Variants in UBE2E3 observed in about 807,000 individuals in gnomAD.
The protein encoded by UBE2E3 is ubiquitin conjugating enzyme E2 E3, also known as ubiquitin-conjugating enzyme E2 E3.
UBE2E3 carries 5 observed loss-of-function variants against 23.6 expected under a neutral mutation model. The ratio of observed to expected loss-of-function variants is 0.21; its 90% CI spans 0.11 to 0.44. The LOEUF (loss-of-function observed/expected upper bound fraction) is 0.44. Ranked by LOEUF, UBE2E3 falls within the 20% of genes least tolerant of loss-of-function variation. UBE2E3 has a pLI of 0.99. For synonymous variants in UBE2E3, 78 were observed against 87.5 expected, an observed-to-expected ratio of 0.89 and a Z score of 0.60; for missense variants, 81 against 249.8, an observed-to-expected ratio of 0.32 and a Z score of 4.55.
chr2:181,008,624 A>C (rs1232256790), intron 3 of UBE2E3, among the ~76,000 whole-genome samples: 1 of 152,216 alleles, frequency 6.6e-6, no homozygotes, highest in Non-Finnish European at 1.5e-5. Flanking sequence ...AGGTTCTAGC[A>C]GAGAGAGGAA....
At chr2:181,033,982 A>G (rs1402874261) in intron 3 of UBE2E3, among the ~76,000 whole-genome samples, 6 of 152,182 alleles carry the variant, frequency 3.9e-5, no homozygotes, top group East Asian at 1.9e-4. Flanking sequence ...ATGAGATACC[A>G]TCTCACACCA....
chr2:181,000,921 G>C (rs1027430480), intron 3 of UBE2E3, among the ~76,000 whole-genome samples: 1 of 152,146 alleles, frequency 6.6e-6, no homozygotes, highest in South Asian at 2.1e-4. Context: ...AAAATTTTAA[G>C]CACATTAGCA....
intron 3 of UBE2E3, among the ~76,000 whole-genome samples, chr2:180,994,569 A>G (rs1344698182): frequency 1.3e-5 from 2 of 152,200 alleles, no homozygotes; most frequent in African/African-American, 2.4e-5. Flanking sequence ...TAGGTTTACA[A>G]ATGGGTGTTG....
intron 3 of UBE2E3, among the ~76,000 whole-genome samples, chr2:181,009,518 TA>T (rs1685252714): frequency 1.1e-5 from 1 of 90,358 alleles, no homozygotes; most frequent in Admixed American, 1.0e-4. Context: ...AATATATATT[TA>T]TACTAGGCTT....
At chr2:181,051,461 C>T (rs572785334) in intron 3 of UBE2E3, among the ~76,000 whole-genome samples, 7 of 151,832 alleles carry the variant, frequency 4.6e-5, no homozygotes, top group Middle Eastern at 3.4e-3. Context: ...GACCTACAAA[C>T]GTTTGTAATG....
intron 3 of UBE2E3, among the ~76,000 whole-genome samples, chr2:181,033,396 C>CT (rs1559128996): frequency 4.6e-5 from 7 of 152,166 alleles, no homozygotes. Context: ...ACTATCTGAT[C>CT]TTTGACAAAC....
intron 3 of UBE2E3, among the ~76,000 whole-genome samples, chr2:181,053,373 A>G (rs947690385): frequency 1.3e-5 from 2 of 151,842 alleles, no homozygotes; most frequent in South Asian, 2.1e-4. Flanking sequence ...CTATGGTCCA[A>G]ATGTGTTTCA....
intron 3 of UBE2E3, among the ~76,000 whole-genome samples, chr2:181,015,070 C>T (rs1302947993): frequency 6.6e-6 from 1 of 152,032 alleles, no homozygotes; most frequent in Non-Finnish European, 1.5e-5. Context: ...AAACGAAGTA[C>T]AGAGTTGTTT....
At chr2:181,048,264 T>A (rs6731268) in intron 3 of UBE2E3, among the ~76,000 whole-genome samples, 118,427 of 152,146 alleles carry the variant, frequency 0.78, 46,377 homozygotes, top group East Asian at 0.91. Context: ...ATCCTCAGCT[T>A]GGCTGAAATC....
chr2:181,007,930 T>C (rs113684262), intron 3 of UBE2E3, among the ~76,000 whole-genome samples: 7,144 of 152,314 alleles, frequency 0.047, 236 homozygotes, highest in Middle Eastern at 0.082. Flanking sequence ...TGAACCCTTA[T>C]CAAGGAAGGT....
At chr2:181,011,784 C>G (rs899701857) in intron 3 of UBE2E3, among the ~76,000 whole-genome samples, 2 of 152,052 alleles carry the variant, frequency 1.3e-5, no homozygotes. Flanking sequence ...TTTATTTTGG[C>G]TTTTAAAATG....
chr2:181,025,999 T>A (rs895263853), intron 3 of UBE2E3, among the ~76,000 whole-genome samples: 30 of 152,064 alleles, frequency 2.0e-4, no homozygotes, highest in African/African-American at 7.2e-4. Flanking sequence ...AAACATACGT[T>A]AAATGTTGAG....
intron 3 of UBE2E3, among the ~76,000 whole-genome samples, chr2:180,988,454 G>T (rs527467863): frequency 1.3e-5 from 2 of 152,272 alleles, no homozygotes; most frequent in East Asian, 1.9e-4. Flanking sequence ...TAAGATTAAT[G>T]ATATTTAATT....
rs1446007701 is a variant in UBE2E3, at chr2:181,034,565, A to G, written c.246-23128A>G. On this transcript the variant is annotated intron_variant, in intron 3 of 5. Transcript: ENST00000410062. ...GCGGGGAGAGATAGCATTAGGAGAT[A>G]CACCTAATGTAAATGACAAGTTAAT... Among the ~76,000 whole-genome samples the G allele has an allele frequency of 2.6e-5, 4 of 152,218 alleles. No homozygotes were observed. The South Asian group carries it at 6.2e-4, about 24-fold the overall frequency.
chr2:180,999,549 A>G (rs1016392804), intron 3 of UBE2E3, among the ~76,000 whole-genome samples: 3 of 152,198 alleles, frequency 2.0e-5, no homozygotes, highest in African/African-American at 4.8e-5. Context: ...TTACTTTCCC[A>G]GCGGCGTATG....
At chr2:181,012,696 A>G (rs1051760905) in intron 3 of UBE2E3, among the ~76,000 whole-genome samples, 1 of 152,138 alleles carries the variant, frequency 6.6e-6, no homozygotes, top group Non-Finnish European at 1.5e-5. Flanking sequence ...ACATATACCC[A>G]TATCCCTAGT....
intron 3 of UBE2E3, among the ~76,000 whole-genome samples, chr2:181,004,299 T>C (rs1685075331): frequency 6.6e-6 from 1 of 152,214 alleles, no homozygotes; most frequent in African/African-American, 2.4e-5. Context: ...TATTTTAAAT[T>C]TCTTATTTGT....
At chr2:181,018,288 T>A (rs537743301) in intron 3 of UBE2E3, among the ~76,000 whole-genome samples, 1 of 152,332 alleles carries the variant, frequency 6.6e-6, no homozygotes, top group Admixed American at 6.5e-5. Context: ...TCTGGTGATG[T>A]ACCTGTATAC....
chr2:181,049,201 A>T (rs921953362), intron 3 of UBE2E3, among the ~76,000 whole-genome samples: 4 of 152,078 alleles, frequency 2.6e-5, no homozygotes, highest in African/African-American at 9.7e-5. Context: ...GTTGGATATT[A>T]TACACCACAA....
Sources: allele counts gnomAD v4.1 joint callset (sites outside exome capture counted in the v4.1 genomes callset), GRCh38; gene constraint gnomAD v4.1.1; transcripts MANE v1.5; gene names NCBI Gene and HGNC (gene_info 2026-07-23, HGNC 2026-07-21).